Variants in ECHS1 observed in about 807,000 individuals in gnomAD.
ECHS1 encodes enoyl-CoA hydratase, mitochondrial.
Under a neutral mutation model 33.5 loss-of-function variants are expected in ECHS1, and 19 were observed. That is an observed-to-expected ratio of 0.57 (90% CI 0.40 to 0.83). The LOEUF (loss-of-function observed/expected upper bound fraction) is 0.83, where lower values mean the gene tolerates loss of function less well. Among genes scored for constraint, ECHS1 ranks in the 40% least tolerant of loss-of-function variants. The pLI is 0.00. For missense variants in ECHS1, 365 were observed against 381.3 expected, an observed-to-expected ratio of 0.96 and a Z score of 0.36; for synonymous variants, 158 against 146.6, an observed-to-expected ratio of 1.08 and a Z score of -0.56.
intron 7 of ECHS1, among the ~76,000 whole-genome samples, chr10:133,363,667 C>T (rs547513774): frequency 2.4e-4 from 36 of 152,168 alleles, no homozygotes; most frequent in South Asian, 1.5e-3. Flanking sequence ...ACCTGTAATC[C>T]CAGCTACTCG....
intron 5 of ECHS1, 107 bp from the exon 6 acceptor site, chr10:133,366,202 T>C: frequency 7.2e-7 from 1 of 1,379,956 alleles, no homozygotes; most frequent in South Asian, 1.3e-5. Flanking sequence ...CCCCAGCCTC[T>C]GGACGCTAAG....
intron 5 of ECHS1, among the ~76,000 whole-genome samples, 192 bp from the exon 6 acceptor site, chr10:133,366,287 C>T (rs1406093320): frequency 1.3e-5 from 2 of 152,254 alleles, no homozygotes; most frequent in Admixed American, 6.5e-5. Flanking sequence ...ACTGCGGTCA[C>T]TGTGCTCTCA....
rs774078213 is a variant in ECHS1 at position 133,369,961 on chromosome 10, G to C, written c.357C>G (p.His119Gln). 32 of 1,613,952 alleles carry C rather than the reference G, an allele frequency of 2.0e-5. No homozygotes were observed. The East Asian group carries it at 6.7e-4, about 34-fold the overall frequency. Residue 119 changes from histidine to glutamine, a missense_variant, in exon 3 of 8, where the codon CAC (histidine) becomes CAG (glutamine). Physicochemically the swap from His to Gln is conservative, Grantham distance 24. Transcript: ENST00000368547. ...QDCYSSKFLK[H>Q]WDHLTQVKKP... ...TCTTGACCTGGGTGAGGTGGTCCCA[G>C]TGCTTCAAGAACTTGCTGGAGTAAC... is the stretch of plus-strand genomic sequence containing the variant.
At chr10:133,372,335 G>A (rs924780898) in intron 1 of ECHS1, among the ~76,000 whole-genome samples, 2 of 152,218 alleles carry the variant, frequency 1.3e-5, no homozygotes, top group Non-Finnish European at 2.9e-5. Context: ...TACTAGAGCC[G>A]GTGATGGCCG....
chr10:133,370,419 G>A (rs1258036722), intron 2 of ECHS1, 141 bp downstream of exon 2: 10 of 966,754 alleles, frequency 1.0e-5, no homozygotes, highest in East Asian at 5.5e-5. Flanking sequence ...TCCCATGACC[G>A]TCTTCACTCG....
At chr10:133,363,148 G>A (rs183520869) in intron 7 of ECHS1, among the ~76,000 whole-genome samples, 5 of 152,314 alleles carry the variant, frequency 3.3e-5, no homozygotes, top group East Asian at 1.9e-4. Flanking sequence ...TCTAGGTGAC[G>A]GTCATTCAGG....
chr10:133,364,446 T>C (rs1398856524), intron 7 of ECHS1, among the ~76,000 whole-genome samples: 1 of 152,142 alleles, frequency 6.6e-6, no homozygotes, highest in East Asian at 1.9e-4. Context: ...GAAAAGCCCC[T>C]GTAAGGTTTC....
At chr10:133,371,198 A>C (rs1564805521) in intron 1 of ECHS1, among the ~76,000 whole-genome samples, 1 of 152,014 alleles carries the variant, frequency 6.6e-6, no homozygotes, top group East Asian at 1.9e-4. Flanking sequence ...AGTGGCATGA[A>C]CCCAGGAGGT....
rs371517085 is a variant in ECHS1 at position 133,370,555 on chromosome 10, C to A, written c.286+5G>T. The A allele has an allele frequency of 1.3e-6, 2 of 1,552,858 alleles. No homozygotes were observed. Among genetic ancestry groups the A allele is most frequent in the East Asian group, 2.3e-5 (1 of 43,468 alleles). On this transcript the variant is annotated splice_donor_5th_base_variant and intron_variant, in intron 2 of 7. Coordinates refer to ENST00000368547, the MANE Select transcript of ECHS1 (RefSeq NM_004092.4). ...AGACACAAAGGCCTCTGCTGCCGCG[C>A]GTACCTGCAAAGGCCTTATCCCCGC... is the stretch of plus-strand genomic sequence containing the variant.
Position 133,368,309 on chromosome 10 carries a change from T to C in ECHS1, c.514+614A>G, listed in dbSNP as rs746229648. Reference sequence around the variant, plus strand: ...TTCTAGGGATCAGACCCGAAACAAATGCACCGAGCTCACAGCTCCAGGCCT... The same window carrying C: ...TTCTAGGGATCAGACCCGAAACAAACGCACCGAGCTCACAGCTCCAGGCCT... On this transcript the variant is annotated intron_variant, in intron 4 of 7. Transcript: ENST00000368547. Among the ~76,000 whole-genome samples the C allele has an allele frequency of 2.5e-4, 38 of 152,032 alleles. 1 individual carries two copies. The highest frequency in any genetic ancestry group is 7.2e-4 in the Admixed American group (11 of 15,274).
intron 5 of ECHS1, 28 bp downstream of exon 5, chr10:133,366,861 G>A (rs1246774698): frequency 6.4e-7 from 1 of 1,568,954 alleles, no homozygotes; most frequent in Non-Finnish European, 8.7e-7. Context: ...GTTTCCAGGT[G>A]GCTCTTGCGG....
chr10:133,365,883 G>A, intron 6 of ECHS1, 93 bp downstream of exon 6: 1 of 1,485,964 alleles, frequency 6.7e-7, no homozygotes, highest in Non-Finnish European at 9.2e-7. Flanking sequence ...GAGGGCTTAA[G>A]GCATATTCAT....
chr10:133,369,775 T>A, intron 3 of ECHS1, 129 bp downstream of exon 3: 1 of 1,323,720 alleles, frequency 7.6e-7, no homozygotes, highest in Non-Finnish European at 1.0e-6. Context: ...TTTAGCACCA[T>A]GAGGCAGGAA....
chr10:133,368,828 G>A, intron 4 of ECHS1, 95 bp downstream of exon 4: 3 of 1,177,420 alleles, frequency 2.5e-6, no homozygotes, highest in Non-Finnish European at 3.7e-6. Context: ...TCCATCCAGG[G>A]CCTCTGGTCA....
chr10:133,363,350 C>T (rs201018958), intron 7 of ECHS1, among the ~76,000 whole-genome samples: 5 of 15,668 alleles, frequency 3.2e-4, no homozygotes, highest in South Asian at 0.011. Flanking sequence ...CAGGTGTGCG[C>T]GCGCGCACAC....
At position 133,373,118 on chromosome 10, in the gene ECHS1, G is replaced by A. The variant is rs1433378017; in HGVS notation, c.88+128C>T. ...AGGGTGCGGGGTCAGGCGGAAGAGG[G>A]GTGTGGGTTGGGGTCAGGTGGGGGA... On this transcript the variant is annotated intron_variant, in intron 1 of 7. Transcript: ENST00000368547. 26 of 669,672 alleles carry A rather than the reference G, an allele frequency of 3.9e-5. No homozygotes were observed. In the African/African-American group the frequency reaches 4.7e-4, roughly 12 times the overall value. 41.5% of individuals were successfully genotyped at this position (669,672 alleles called of 1,614,324 possible). A position where few individuals can be genotyped will look rare whatever the true frequency, so the allele number is the denominator to read the frequency against.
chr10:133,370,234 G>A (rs1849086045), intron 2 of ECHS1, among the ~76,000 whole-genome samples: 1 of 152,242 alleles, frequency 6.6e-6, no homozygotes, highest in African/African-American at 2.4e-5. Context: ...GGGCCCTGAG[G>A]CAGGCAGCAG....
Position 133,372,327 on chromosome 10 carries a change from C to G in ECHS1, c.88+919G>C, listed in dbSNP as rs1849119118. Among the ~76,000 whole-genome samples, 2 of 152,224 alleles carry G rather than the reference C, an allele frequency of 1.3e-5. 1 individual carries two copies. The highest frequency in any genetic ancestry group is 4.1e-4 in the South Asian group (2 of 4,836). ...GGCATGGCCCAAGATTCCTCAGATA[C>G]TAGAGCCGGTGATGGCCGCTCATGA... On this transcript the variant is annotated intron_variant, in intron 1 of 7. Coordinates refer to ENST00000368547, the MANE Select transcript of ECHS1 (RefSeq NM_004092.4).
chr10:133,370,869 C>T, intron 1 of ECHS1, 112 bp from the exon 2 acceptor site: 1 of 1,092,526 alleles, frequency 9.2e-7, no homozygotes. Flanking sequence ...AAGAGGCCCT[C>T]TGAGGGCTCC....
Sources: allele counts gnomAD v4.1 joint callset (sites outside exome capture counted in the v4.1 genomes callset), GRCh38; gene constraint gnomAD v4.1.1; transcripts MANE v1.5; gene names NCBI Gene and HGNC (gene_info 2026-07-23, HGNC 2026-07-21).